AGAP6: variants seen among roughly 807,000 people sequenced by gnomAD.
The protein encoded by AGAP6 is ArfGAP with GTPase domain, ankyrin repeat and PH domain 6.
Under a neutral mutation model 63.9 loss-of-function variants are expected in AGAP6, and 29 were observed. That is an observed-to-expected ratio of 0.45 (90% CI 0.34 to 0.62). The LOEUF (loss-of-function observed/expected upper bound fraction) is 0.62. AGAP6 is among the 20% of genes least tolerant of loss of function. The pLI, the probability that AGAP6 is intolerant of heterozygous loss-of-function variation, is 0.01. For synonymous variants in AGAP6, 199 were observed against 332.9 expected, an observed-to-expected ratio of 0.60 and a Z score of 4.38; for missense variants, 493 against 884.9, an observed-to-expected ratio of 0.56 and a Z score of 5.62.
Position 49,988,904 on chromosome 10 carries a change from C to T in AGAP6, c.189C>T (p.His63=). Residue 63 remains histidine, a synonymous_variant, in exon 1 of 8, where the codon CAC becomes CAT. Transcript: ENST00000412531. ...CTGTTGAAGTTGGTGAGGACCTCCA[C>T]ATGCACCACGTTCGTGACCGGGAGA... ...EVTVEVGEDL[H]MHHVRDREMP... is the part of the protein sequence containing the mutation. The T allele has an allele frequency of 6.3e-7, 1 of 1,599,794 alleles. No homozygotes were observed. Among genetic ancestry groups the T allele is most frequent in the Non-Finnish European group, 8.5e-7 (1 of 1,179,100 alleles).
chr10:49,998,012 A>ATG lies in AGAP6; in HGVS notation c.396+3584_396+3585insGT, dbSNP rs1554862335. Among the ~76,000 whole-genome samples, 63 of 136,404 alleles carry ATG rather than the reference A, an allele frequency of 4.6e-4. 8 individuals carry two copies. In the Middle Eastern group the frequency reaches 0.011, roughly 23 times the overall value. 89.5% of individuals were successfully genotyped at this position (136,404 alleles called of 152,430 possible). ...TCCTCATATATATATATATATATAT[A>ATG]TATGTATGTATATCACGGTTTCTTT... On this transcript the variant is annotated intron_variant, in intron 4 of 7. Transcript: ENST00000412531.
chr10:50,005,128 G>C (rs1397823587), intron 6 of AGAP6, among the ~76,000 whole-genome samples: 3 of 152,114 alleles, frequency 2.0e-5, no homozygotes, highest in African/African-American at 7.2e-5. Flanking sequence ...CATGACCCAG[G>C]TTATAACAAC....
chr10:49,990,692 A>G (rs1841236317), intron 2 of AGAP6, among the ~76,000 whole-genome samples: 1 of 152,182 alleles, frequency 6.6e-6, no homozygotes, highest in South Asian at 2.1e-4. Flanking sequence ...GGTTTCATTT[A>G]AATGCCAGAG....
intron 3 of AGAP6, among the ~76,000 whole-genome samples, 165 bp from the exon 4 acceptor site, chr10:49,994,230 T>C (rs1291924513): frequency 3.3e-5 from 5 of 152,192 alleles, no homozygotes; most frequent in Non-Finnish European, 2.9e-5. Context: ...ATTTGACTTA[T>C]GAAATTAATC....
At position 50,001,983 on chromosome 10, in the gene AGAP6, C is replaced by G. The variant is rs782585287; in HGVS notation, c.397-13C>G. ...CTTTGATAAGTTTGACTTACAGTTC[C>G]CTTCCCCTTCAGGTATCTGCTGTGC... On this transcript the variant is annotated splice_polypyrimidine_tract_variant and intron_variant, in intron 4 of 7. Coordinates refer to ENST00000412531, the MANE Select transcript of AGAP6 (RefSeq NM_001077665.3). 3.7e-6 allele frequency: 6 copies of G among 1,611,980 alleles called. No homozygotes were observed. In the Admixed American group the frequency reaches 6.7e-5, roughly 18 times the overall value.
At chr10:50,001,709 G>A (rs1228571991) in intron 4 of AGAP6, among the ~76,000 whole-genome samples, 5 of 128,622 alleles carry the variant, frequency 3.9e-5, no homozygotes, top group African/African-American at 8.7e-5. Flanking sequence ...GTGAGCCACC[G>A]CGCCCCGCGA....
At chr10:49,994,107 C>G (rs1239523996) in intron 3 of AGAP6, among the ~76,000 whole-genome samples, 1 of 151,972 alleles carries the variant, frequency 6.6e-6, no homozygotes, top group Non-Finnish European at 1.5e-5. Flanking sequence ...TTTTTATTAG[C>G]TAAATTTTTC....
chr10:50,004,619 T>TA (rs1441945793), intron 5 of AGAP6, 66 bp from the exon 6 acceptor site: 1 of 835,756 alleles, frequency 1.2e-6, no homozygotes, highest in African/African-American at 1.8e-5. Flanking sequence ...GCCCCCCTTT[T>TA]AAAAAATGTC....
intron 5 of AGAP6, among the ~76,000 whole-genome samples, chr10:50,004,058 G>A (rs1188535769): frequency 1.3e-5 from 2 of 152,144 alleles, no homozygotes; most frequent in African/African-American, 4.8e-5. Context: ...GGTGGCACAT[G>A]CCTGTAATCC....
At chr10:50,001,342 AT>A (rs1841687592) in intron 4 of AGAP6, among the ~76,000 whole-genome samples, 2 of 145,100 alleles carry the variant, frequency 1.4e-5, no homozygotes, top group African/African-American at 5.1e-5. Flanking sequence ...AAATAAATAA[AT>A]TAATTAATTA....
rs782268680 is a variant in AGAP6 at position 50,008,986 on chromosome 10, C to T, written c.861C>T (p.Gly287=). The change falls in exon 8 of 8, where the codon GGC becomes GGT. Residue 287 remains glycine, a synonymous_variant. Coordinates refer to ENST00000412531, the MANE Select transcript of AGAP6 (RefSeq NM_001077665.3). ...GSGRAIPIKQ[G]MLLKRSGKWL... Reference sequence around the variant, plus strand: ...GTAGAGCCATCCCCATTAAACAGGGCATGCTCTTAAAGCGAAGTGGGAAAT... The same window carrying T: ...GTAGAGCCATCCCCATTAAACAGGGTATGCTCTTAAAGCGAAGTGGGAAAT... 9.9e-6 allele frequency: 16 copies of T among 1,613,820 alleles called. No individual in the cohort carries two copies.
At chr10:49,991,158 CAT>C (rs1554860784) in intron 2 of AGAP6, among the ~76,000 whole-genome samples, 1 of 152,012 alleles carries the variant, frequency 6.6e-6, no homozygotes, top group African/African-American at 2.4e-5. Flanking sequence ...AGAGATATCA[CAT>C]GACTATGGAA....
At chr10:50,005,384 G>A (rs1214485238) in intron 6 of AGAP6, among the ~76,000 whole-genome samples, 2 of 152,186 alleles carry the variant, frequency 1.3e-5, no homozygotes, top group African/African-American at 4.8e-5. Context: ...GGCTGAGGCA[G>A]GCGGATCACA....
intron 6 of AGAP6, among the ~76,000 whole-genome samples, chr10:50,005,917 C>T (rs530506444): frequency 1.1e-4 from 15 of 138,960 alleles, no homozygotes; most frequent in Non-Finnish European, 2.3e-4. Flanking sequence ...GAGACTCTGT[C>T]TCAAAAAAAG....
At chr10:49,989,457 C>G (rs1167631918) in intron 2 of AGAP6, 81 bp downstream of exon 2, 5 of 1,585,364 alleles carry the variant, frequency 3.2e-6, no homozygotes, top group Non-Finnish European at 4.3e-6. Flanking sequence ...TCTTCCTTTT[C>G]TCAGTAAAAA....
intron 2 of AGAP6, among the ~76,000 whole-genome samples, chr10:49,990,840 C>A (rs1191064125): frequency 6.6e-6 from 1 of 152,046 alleles, no homozygotes; most frequent in African/African-American, 2.4e-5. Flanking sequence ...CTTCACATTT[C>A]AAGATATTTA....
rs555423875 is a variant in AGAP6 at position 49,999,035 on chromosome 10, C to T, written c.397-2961C>T. The stretch of plus-strand genomic sequence containing the variant: ...GAGACGGATCATGAGGTCAGGAGTT[C>T]GAGACCAGCCTGGCCAACATGGTGA... On this transcript the variant is annotated intron_variant, in intron 4 of 7. Transcript: ENST00000412531. 2.1e-5 allele frequency among the ~76,000 whole-genome samples: 3 copies of T among 139,896 alleles called. 1 individual carries two copies. Among genetic ancestry groups the T allele is most frequent in the South Asian group, 4.9e-4 (2 of 4,082 alleles). The allele number at this position is 139,896 out of a possible 152,430, so 91.8% of individuals were successfully genotyped here. A position where few individuals can be genotyped will look rare whatever the true frequency, so the allele number is the denominator to read the frequency against.
At chr10:49,996,139 C>G (rs531950120) in intron 4 of AGAP6, among the ~76,000 whole-genome samples, 34 of 152,136 alleles carry the variant, frequency 2.2e-4, no homozygotes, top group East Asian at 3.9e-4. Context: ...TTTTCCCCTT[C>G]TATTTTTTTC....
chr10:49,993,459 G>GAA (rs199733573), intron 3 of AGAP6, among the ~76,000 whole-genome samples: 44 of 150,590 alleles, frequency 2.9e-4, no homozygotes, highest in South Asian at 1.7e-3. Context: ...CTTTTTAGAG[G>GAA]AAAAAAAAAT....
Sources: allele counts gnomAD v4.1 joint callset (sites outside exome capture counted in the v4.1 genomes callset), GRCh38; gene constraint gnomAD v4.1.1; transcripts MANE v1.5; gene names NCBI Gene and HGNC (gene_info 2026-07-23, HGNC 2026-07-21).